The following PRKAG2 variants were observed in gnomAD, a reference collection of about 807,000 sequenced individuals.
PRKAG2 encodes the protein protein kinase AMP-activated non-catalytic subunit gamma 2, also known as 5'-AMP-activated protein kinase subunit gamma-2.
PRKAG2 carries 26 observed loss-of-function variants against 69.6 expected under a neutral mutation model. The ratio of observed to expected loss-of-function variants is 0.37; its 90% CI spans 0.27 to 0.52. The LOEUF (loss-of-function observed/expected upper bound fraction) is 0.52, where lower values mean the gene tolerates loss of function less well. Among genes scored for constraint, PRKAG2 ranks in the 20% least tolerant of loss-of-function variants. The pLI is 0.90. For missense variants in PRKAG2, 557 were observed against 740.0 expected, an observed-to-expected ratio of 0.75 and a Z score of 2.87; for synonymous variants, 293 against 285.0, an observed-to-expected ratio of 1.03 and a Z score of -0.28.
chr7:151,720,012 AC>A (rs1381638896), intron 3 of PRKAG2, among the ~76,000 whole-genome samples: 1 of 152,060 alleles, frequency 6.6e-6, no homozygotes, highest in Non-Finnish European at 1.5e-5. Context: ...GTCTGTGAGC[AC>A]CCCCAGGGGA....
intron 3 of PRKAG2, among the ~76,000 whole-genome samples, chr7:151,732,125 G>C (rs2151684042): frequency 7.4e-6 from 1 of 135,230 alleles, no homozygotes; most frequent in Non-Finnish European, 1.5e-5. Flanking sequence ...ATGAGCCACA[G>C]CACCTGGCTT....
chr7:151,798,469 C>T (rs910121545), intron 1 of PRKAG2, among the ~76,000 whole-genome samples: 5 of 152,116 alleles, frequency 3.3e-5, no homozygotes, highest in African/African-American at 1.2e-4. Flanking sequence ...TGTGAGCCAC[C>T]ACGCCCGGCT....
intron 5 of PRKAG2, among the ~76,000 whole-genome samples, chr7:151,599,276 CTT>C (rs1815410127): frequency 6.6e-6 from 1 of 152,124 alleles, no homozygotes; most frequent in African/African-American, 2.4e-5. Flanking sequence ...CCAATGTCCT[CTT>C]GTCACCCTAA....
intron 4 of PRKAG2, among the ~76,000 whole-genome samples, chr7:151,661,497 C>T (rs746685866): frequency 2.0e-5 from 3 of 152,122 alleles, no homozygotes; most frequent in South Asian, 4.1e-4. Context: ...CTGTAGAAAT[C>T]GTATTAGAAT....
chr7:151,565,918 C>A, intron 11 of PRKAG2, 33 bp from the exon 12 acceptor site: 2 of 1,586,630 alleles, frequency 1.3e-6, no homozygotes. Flanking sequence ...CGTTCTAGAC[C>A]CAGAACACAC....
At chr7:151,557,900 A>G in intron 15 of PRKAG2, 2 of 952,592 alleles carry the variant, frequency 2.1e-6, no homozygotes, top group Non-Finnish European at 2.5e-6. Context: ...ACAAAAAAAC[A>G]AAAAAAAAAC....
intron 3 of PRKAG2, among the ~76,000 whole-genome samples, chr7:151,774,451 C>T (rs1358305673): frequency 6.6e-6 from 1 of 152,184 alleles, no homozygotes; most frequent in Non-Finnish European, 1.5e-5. Flanking sequence ...TCATTTCTCC[C>T]TCTGAAATGA....
At chr7:151,663,652 G>A (rs1035585761) in intron 4 of PRKAG2, among the ~76,000 whole-genome samples, 2 of 152,210 alleles carry the variant, frequency 1.3e-5, no homozygotes, top group African/African-American at 2.4e-5. Context: ...AAGCCACCAC[G>A]TCTGGCCCAC....
At chr7:151,665,855 A>C (rs1830977298) in intron 4 of PRKAG2, among the ~76,000 whole-genome samples, 1 of 152,302 alleles carries the variant, frequency 6.6e-6, no homozygotes, top group East Asian at 1.9e-4. Context: ...TGAGATATTT[A>C]TAGATTTTTT....
chr7:151,564,671 G>A (rs935437410), intron 13 of PRKAG2, among the ~76,000 whole-genome samples: 12 of 152,104 alleles, frequency 7.9e-5, no homozygotes, highest in African/African-American at 2.7e-4. Context: ...GAAGGCTTTG[G>A]GGGACCCATG....
intron 3 of PRKAG2, among the ~76,000 whole-genome samples, chr7:151,678,574 C>A (rs1833328791): frequency 6.6e-6 from 1 of 152,154 alleles, no homozygotes; most frequent in South Asian, 2.1e-4. Flanking sequence ...CGGGCTGGCA[C>A]TTGGGAGGCA....
intron 5 of PRKAG2, among the ~76,000 whole-genome samples, chr7:151,599,003 C>A (rs914007574): frequency 6.6e-6 from 1 of 152,010 alleles, no homozygotes; most frequent in African/African-American, 2.4e-5. Flanking sequence ...AGGTGCACAC[C>A]ATCACACCTG....
At chr7:151,795,601 G>A (rs1162563565) in intron 1 of PRKAG2, among the ~76,000 whole-genome samples, 3 of 152,042 alleles carry the variant, frequency 2.0e-5, no homozygotes, top group South Asian at 2.1e-4. Context: ...TGCCGTGGGC[G>A]TATTTGCAGA....
chr7:151,822,950 G>A (rs752367264), intron 1 of PRKAG2, among the ~76,000 whole-genome samples: 6 of 152,190 alleles, frequency 3.9e-5, no homozygotes, highest in Non-Finnish European at 5.9e-5. Flanking sequence ...GGGAAGCTGA[G>A]TGGCCGCCAA....
chr7:151,853,465 T>C (rs1184099094), intron 1 of PRKAG2, among the ~76,000 whole-genome samples: 1 of 152,196 alleles, frequency 6.6e-6, no homozygotes, highest in African/African-American at 2.4e-5. Context: ...ATGATCATTT[T>C]TGAGGTTAGA....
chr7:151,736,552 G>A (rs1336793989), intron 3 of PRKAG2, among the ~76,000 whole-genome samples: 1 of 152,192 alleles, frequency 6.6e-6, no homozygotes, highest in African/African-American at 2.4e-5. Context: ...ATTGGCCAGA[G>A]CACATTCCCA....
intron 3 of PRKAG2, among the ~76,000 whole-genome samples, chr7:151,765,575 C>G (rs754618526): frequency 3.9e-5 from 6 of 152,184 alleles, no homozygotes; most frequent in Non-Finnish European, 8.8e-5. Flanking sequence ...CTCCCTGGGT[C>G]TCCGTCATCA....
intron 3 of PRKAG2, among the ~76,000 whole-genome samples, chr7:151,735,146 G>A (rs771177034): frequency 7.9e-5 from 12 of 152,062 alleles, no homozygotes; most frequent in African/African-American, 2.4e-4. Flanking sequence ...ATGAGCCACC[G>A]CGCCCGGCCT....
chr7:151,725,288 CACAA>C (rs1376741703), intron 3 of PRKAG2, among the ~76,000 whole-genome samples: 1 of 152,120 alleles, frequency 6.6e-6, no homozygotes, highest in Non-Finnish European at 1.5e-5. Context: ...ACAGGCCAGT[CACAA>C]ACAAATACTG....
Sources: allele counts gnomAD v4.1 joint callset (sites outside exome capture counted in the v4.1 genomes callset), GRCh38; gene constraint gnomAD v4.1.1; transcripts MANE v1.5; gene names NCBI Gene and HGNC (gene_info 2026-07-23, HGNC 2026-07-21).